The following MICU1 variants were observed in gnomAD, a reference collection of about 807,000 sequenced individuals.
MICU1 encodes the protein calcium uptake protein 1, mitochondrial.
MICU1 carries 45 observed loss-of-function variants against 56.8 expected under a neutral mutation model. That is an observed-to-expected ratio of 0.79 (90% CI 0.62 to 1.02). The LOEUF (loss-of-function observed/expected upper bound fraction) is 1.02. Ranked by LOEUF, MICU1 falls within the 50% of genes least tolerant of loss-of-function variation. MICU1 has a pLI of 0.00. For synonymous variants in MICU1, 186 were observed against 195.1 expected, an observed-to-expected ratio of 0.95 and a Z score of 0.39; for missense variants, 504 against 587.1, an observed-to-expected ratio of 0.86 and a Z score of 1.46.
At chr10:72,571,380 T>G (rs1041500476) in intron 1 of MICU1, among the ~76,000 whole-genome samples, 3 of 151,980 alleles carry the variant, frequency 2.0e-5, no homozygotes, top group African/African-American at 7.2e-5. Flanking sequence ...CCAAAAGTTC[T>G]AACAGGCAAG....
chr10:72,390,349 AT>A (rs1413407358), intron 10 of MICU1, among the ~76,000 whole-genome samples: 21 of 152,350 alleles, frequency 1.4e-4, no homozygotes, highest in African/African-American at 5.1e-4. Flanking sequence ...TCTGGAGTAA[AT>A]CAAATTTGGA....
At chr10:72,610,042 A>C (rs1841801519) in intron 1 of MICU1, among the ~76,000 whole-genome samples, 1 of 151,878 alleles carries the variant, frequency 6.6e-6, no homozygotes, top group Non-Finnish European at 1.5e-5. Flanking sequence ...TCTAAAAAAA[A>C]AAAGAAAAAG....
chr10:72,621,061 G>GA (rs984180666), intron 1 of MICU1, among the ~76,000 whole-genome samples: 9 of 150,706 alleles, frequency 6.0e-5, no homozygotes, highest in Non-Finnish European at 7.4e-5. Context: ...CGTTTCTACA[G>GA]AAAAAAAAAT....
At position 72,408,033 on chromosome 10, in the gene MICU1, A is replaced by C; in HGVS notation, c.1076T>G (p.Leu359Arg). 4 of 1,609,688 alleles carry C rather than the reference A, an allele frequency of 2.5e-6. No individual in the cohort carries two copies. Among genetic ancestry groups the C allele is most frequent in the Non-Finnish European group, 3.4e-6 (4 of 1,176,398 alleles). ...GAAGTTCTCCACCTCCTGAAATGTC[A>C]GACCCTGCAAGAGGAGAGACAGCAA... is the stretch of plus-strand genomic sequence containing the variant. ...LKKHFKEGKG[L>R]TFQEVENFFT... Residue 359 changes from leucine (L) to arginine (R), a missense_variant, in exon 10 of 12, where the codon CTG becomes CGG. Leu to Arg is a moderately radical substitution (Grantham distance 102, BLOSUM62 -2). Transcript: ENST00000361114.
At chr10:72,465,087 A>G (rs1865748470) in intron 8 of MICU1, among the ~76,000 whole-genome samples, 1 of 151,656 alleles carries the variant, frequency 6.6e-6, no homozygotes, top group Non-Finnish European at 1.5e-5. Flanking sequence ...CGCAACCTCC[A>G]CCTCCTGGGT....
intron 1 of MICU1, among the ~76,000 whole-genome samples, chr10:72,597,042 C>T (rs1167936827): frequency 1.3e-5 from 2 of 152,046 alleles, no homozygotes; most frequent in Non-Finnish European, 2.9e-5. Flanking sequence ...GAGATGAAGG[C>T]ATATGTGGGA....
At chr10:72,467,617 GC>G (rs1168491541) in intron 8 of MICU1, 2 of 152,118 alleles carry the variant, frequency 1.3e-5, no homozygotes, top group African/African-American at 4.8e-5. Context: ...ACTGCACCCG[GC>G]CTTGTCTCTA....
intron 8 of MICU1, among the ~76,000 whole-genome samples, chr10:72,440,387 CA>C (rs1022635342): frequency 6.6e-6 from 1 of 152,092 alleles, no homozygotes; most frequent in Non-Finnish European, 1.5e-5. Context: ...ATACCTTATA[CA>C]AAAATTAATT....
intron 1 of MICU1, among the ~76,000 whole-genome samples, chr10:72,580,645 T>A (rs1023606406): frequency 4.6e-5 from 7 of 152,120 alleles, no homozygotes; most frequent in African/African-American, 1.4e-4. Context: ...CCTGGCTAAC[T>A]TTCGTATTTT....
intron 8 of MICU1, among the ~76,000 whole-genome samples, chr10:72,447,265 T>C (rs188157793): frequency 2.0e-5 from 3 of 152,298 alleles, no homozygotes; most frequent in Admixed American, 2.0e-4. Context: ...CACTCTCTCA[T>C]TTGAGTCTCA....
At chr10:72,524,895 G>C in intron 5 of MICU1, 1 of 458,748 alleles carries the variant, frequency 2.2e-6, no homozygotes, top group Non-Finnish European at 3.5e-6. Flanking sequence ...TAGGAAATGA[G>C]GAATACATAG....
chr10:72,524,791 T>A, intron 5 of MICU1: 1 of 1,193,756 alleles, frequency 8.4e-7, no homozygotes, highest in Non-Finnish European at 1.0e-6. Flanking sequence ...CATTGTTTGA[T>A]TATATGAACA....
intron 5 of MICU1, among the ~76,000 whole-genome samples, chr10:72,521,515 C>T (rs549897329): frequency 1.3e-5 from 2 of 152,166 alleles, no homozygotes; most frequent in South Asian, 4.1e-4. Flanking sequence ...AGGCACTGTG[C>T]TAGGTACTTT....
At chr10:72,524,913 T>C (rs551344084) in intron 5 of MICU1, among the ~76,000 whole-genome samples, 13 of 152,320 alleles carry the variant, frequency 8.5e-5, no homozygotes, top group African/African-American at 2.9e-4. Context: ...TAGAAATGTT[T>C]TAGATATTAT....
chr10:72,578,199 CTA>C (rs1416950968), intron 1 of MICU1, among the ~76,000 whole-genome samples: 1 of 152,104 alleles, frequency 6.6e-6, no homozygotes, highest in African/African-American at 2.4e-5. Flanking sequence ...GCAAGACCCT[CTA>C]TCAGCAAAAG....
chr10:72,568,386 T>G (rs1460861628), intron 1 of MICU1, among the ~76,000 whole-genome samples: 1 of 152,222 alleles, frequency 6.6e-6, no homozygotes, highest in East Asian at 1.9e-4. Context: ...TCCTTCTCTT[T>G]AAGTTTTTGG....
At chr10:72,414,824 T>G (rs1863931219) in intron 9 of MICU1, among the ~76,000 whole-genome samples, 1 of 152,076 alleles carries the variant, frequency 6.6e-6, no homozygotes, top group Non-Finnish European at 1.5e-5. Flanking sequence ...CCATGATGAG[T>G]GCAAACACTG....
chr10:72,535,540 T>A (rs1040060913), intron 4 of MICU1, among the ~76,000 whole-genome samples: 1 of 152,084 alleles, frequency 6.6e-6, no homozygotes, highest in Admixed American at 6.5e-5. Flanking sequence ...AGAAACTTTC[T>A]CATAACTATA....
chr10:72,539,607 A>T (rs1040757948), intron 4 of MICU1, among the ~76,000 whole-genome samples: 4 of 152,170 alleles, frequency 2.6e-5, no homozygotes, highest in African/African-American at 9.7e-5. Context: ...AGGGAAGTTG[A>T]TAACAATAAA....
Sources: allele counts gnomAD v4.1 joint callset (sites outside exome capture counted in the v4.1 genomes callset), GRCh38; gene constraint gnomAD v4.1.1; transcripts MANE v1.5; gene names NCBI Gene and HGNC (gene_info 2026-07-23, HGNC 2026-07-21).